Variants in SH3RF2 observed in about 807,000 individuals in gnomAD.
SH3RF2 encodes the protein SH3 domain containing ring finger 2.
In SH3RF2, 43 loss-of-function variants were observed where a neutral mutation model predicts 59.0. The ratio of observed to expected loss-of-function variants is 0.73; its 90% CI spans 0.57 to 0.94. The LOEUF (loss-of-function observed/expected upper bound fraction) is 0.94. Among genes scored for constraint, SH3RF2 ranks in the 40% least tolerant of loss-of-function variants. The pLI, the probability that SH3RF2 is intolerant of heterozygous loss-of-function variation, is 0.00. For synonymous variants in SH3RF2, 391 were observed against 391.5 expected, an observed-to-expected ratio of 1.00 and a Z score of 0.01; for missense variants, 930 against 940.1, an observed-to-expected ratio of 0.99 and a Z score of 0.14.
chr5:146,048,858 T>C (rs1202448187), intron 6 of SH3RF2, among the ~76,000 whole-genome samples: 2 of 152,182 alleles, frequency 1.3e-5, no homozygotes, highest in African/African-American at 4.8e-5. Context: ...TATTTCACCA[T>C]GTTGGCCAGG....
intron 2 of SH3RF2, 98 bp downstream of exon 2, chr5:145,938,404 G>T: frequency 7.3e-7 from 1 of 1,378,356 alleles, no homozygotes; most frequent in Non-Finnish European, 9.6e-7. Flanking sequence ...ACATTCCAGA[G>T]TGCTGCTGTT....
chr5:146,016,950 T>C (rs758688124), intron 5 of SH3RF2, among the ~76,000 whole-genome samples: 1 of 152,226 alleles, frequency 6.6e-6, no homozygotes, highest in Non-Finnish European at 1.5e-5. Context: ...GCACCAAGAA[T>C]AAGCTGCTGC....
At chr5:146,063,483 C>T (rs564769038), downstream of SH3RF2, among the ~76,000 whole-genome samples, 19 of 152,342 alleles carry the variant, frequency 1.2e-4, no homozygotes, top group African/African-American at 3.8e-4. Context: ...CCTGGCTCTA[C>T]AGTCTGACTT....
intron 5 of SH3RF2, among the ~76,000 whole-genome samples, chr5:146,019,567 T>C (rs1264750337): frequency 6.6e-6 from 1 of 152,188 alleles, no homozygotes; most frequent in Non-Finnish European, 1.5e-5. Context: ...TTTTTCTTTT[T>C]GTTTAGAATT....
At chr5:146,076,162 C>T (rs1324011533) in intron 9 of SH3RF2, among the ~76,000 whole-genome samples, 2 of 152,172 alleles carry the variant, frequency 1.3e-5, no homozygotes, top group East Asian at 3.8e-4. Context: ...TACTTCCCTG[C>T]CCCTCACTTG....
intron 5 of SH3RF2, among the ~76,000 whole-genome samples, chr5:146,027,919 C>A (rs1761589860): frequency 6.6e-6 from 1 of 152,176 alleles, no homozygotes; most frequent in African/African-American, 2.4e-5. Flanking sequence ...TTTCTGGTGA[C>A]TAAAGCAGGT....
At chr5:146,014,368 G>A (rs146662142) in intron 5 of SH3RF2, among the ~76,000 whole-genome samples, 38 of 152,128 alleles carry the variant, frequency 2.5e-4, no homozygotes, top group Non-Finnish European at 4.3e-4. Flanking sequence ...CCATGATATC[G>A]TTCCTGTCCC....
intron 4 of SH3RF2, among the ~76,000 whole-genome samples, chr5:146,010,013 T>C (rs181008481): frequency 6.6e-6 from 1 of 152,186 alleles, no homozygotes; most frequent in Non-Finnish European, 1.5e-5. Context: ...TATCTCCTAA[T>C]GCTATCCCTC....
intron 2 of SH3RF2, among the ~76,000 whole-genome samples, chr5:145,948,553 TGGAGACA>T (rs1213315984): frequency 1.3e-5 from 2 of 152,204 alleles, no homozygotes; most frequent in Non-Finnish European, 2.9e-5. Flanking sequence ...AACATTAGCC[TGGAGACA>T]GGAGAAATAA....
intron 2 of SH3RF2, among the ~76,000 whole-genome samples, chr5:145,972,576 G>A (rs1250403954): frequency 6.6e-6 from 1 of 152,182 alleles, no homozygotes; most frequent in Non-Finnish European, 1.5e-5. Context: ...AGAGCCAGAG[G>A]AGAGGCAATG....
chr5:146,037,498 T>C (rs560344545), intron 5 of SH3RF2, among the ~76,000 whole-genome samples: 6 of 151,816 alleles, frequency 4.0e-5, no homozygotes, highest in Admixed American at 2.6e-4. Context: ...TTGGCTGGGG[T>C]TTTCCAAGGT....
intron 2 of SH3RF2, among the ~76,000 whole-genome samples, chr5:145,940,821 TTAAC>T: frequency 6.6e-6 from 1 of 152,222 alleles, no homozygotes; most frequent in East Asian, 1.9e-4. Context: ...ACTGTGAGGT[TTAAC>T]TAATTAGTAT....
At chr5:145,984,947 A>G (rs1759644966) in intron 2 of SH3RF2, among the ~76,000 whole-genome samples, 1 of 152,316 alleles carries the variant, frequency 6.6e-6, no homozygotes, top group South Asian at 2.1e-4. Context: ...GCTTGAGCCC[A>G]GAGTTCAAGA....
At chr5:145,992,193 G>A (rs1759963606) in intron 2 of SH3RF2, among the ~76,000 whole-genome samples, 1 of 152,054 alleles carries the variant, frequency 6.6e-6, no homozygotes, top group Non-Finnish European at 1.5e-5. Context: ...ACAACATGGT[G>A]AAACCCCGTC....
intron 2 of SH3RF2, among the ~76,000 whole-genome samples, chr5:145,987,968 C>T (rs1319890142): frequency 6.6e-6 from 1 of 152,164 alleles, no homozygotes; most frequent in Non-Finnish European, 1.5e-5. Context: ...TTCAGTTATT[C>T]ACTAGAAGGA....
chr5:146,007,492 G>A lies in SH3RF2; in HGVS notation c.744+3339G>A, dbSNP rs560295414. Among the ~76,000 whole-genome samples the A allele has an allele frequency of 7.9e-5, 12 of 152,282 alleles. No homozygotes were observed. In the East Asian group the frequency reaches 1.9e-3, roughly 25 times the overall value. On this transcript the variant is annotated intron_variant, in intron 4 of 9. Transcript: ENST00000359120. ...AGTGGTTGACTCTCCAAGGACAGAC[G>A]TCAGCTGCAATTAGTACCTCATTGG...
intron 2 of SH3RF2, among the ~76,000 whole-genome samples, chr5:145,974,136 C>A (rs1041898298): frequency 6.6e-6 from 1 of 152,150 alleles, no homozygotes; most frequent in African/African-American, 2.4e-5. Flanking sequence ...AGAACCCAGG[C>A]TTCTTGCCTG....
chr5:145,972,895 G>A (rs1561717724), intron 2 of SH3RF2, among the ~76,000 whole-genome samples: 1 of 152,154 alleles, frequency 6.6e-6, no homozygotes, highest in Non-Finnish European at 1.5e-5. Context: ...TCTATTTGCT[G>A]TTGCAGTCAC....
chr5:145,965,209 TAAGA>T (rs1257863370), intron 2 of SH3RF2, among the ~76,000 whole-genome samples: 1 of 150,842 alleles, frequency 6.6e-6, no homozygotes, highest in African/African-American at 2.4e-5. Flanking sequence ...AAATTAAAAT[TAAGA>T]AAAAAAAAAC....
Sources: allele counts gnomAD v4.1 joint callset (sites outside exome capture counted in the v4.1 genomes callset), GRCh38; gene constraint gnomAD v4.1.1; transcripts MANE v1.5; gene names NCBI Gene and HGNC (gene_info 2026-07-23, HGNC 2026-07-21).